Variants in VAV3 observed in about 807,000 individuals in gnomAD.
VAV3 encodes guanine nucleotide exchange factor VAV3.
In VAV3, 94 loss-of-function variants were observed where a neutral mutation model predicts 131.2. That is an observed-to-expected ratio of 0.72 (90% CI 0.61 to 0.85). VAV3 has a LOEUF of 0.85. Ranked by LOEUF, VAV3 falls within the 40% of genes least tolerant of loss-of-function variation. The pLI, the probability that VAV3 is intolerant of heterozygous loss-of-function variation, is 0.00. For missense variants in VAV3, 939 were observed against 1,002.7 expected, an observed-to-expected ratio of 0.94 and a Z score of 0.86; for synonymous variants, 349 against 342.0, an observed-to-expected ratio of 1.02 and a Z score of -0.22.
intron 18 of VAV3, among the ~76,000 whole-genome samples, chr1:107,684,739 T>C (rs2504458): frequency 0.33 from 50,692 of 152,062 alleles, 8,479 homozygotes; most frequent in South Asian, 0.38. Flanking sequence ...ACAAGAGTCA[T>C]TGTGAATGAA....
chr1:107,884,663 T>C lies in VAV3; in HGVS notation c.205-9646A>G, dbSNP rs376308394. Among the ~76,000 whole-genome samples, 13 of 151,994 alleles carry C rather than the reference T, an allele frequency of 8.6e-5. No individual in the cohort carries two copies. The East Asian group carries it at 2.3e-3, about 27-fold the overall frequency. ...TGAGGTCTCACTATGTTTCCCAGTCTGGTCTTGAACTCCTAGGTTCAAATG... is the reference window on the plus strand; with the variant it reads ...TGAGGTCTCACTATGTTTCCCAGTCCGGTCTTGAACTCCTAGGTTCAAATG... On this transcript the variant is annotated intron_variant, in intron 1 of 26. Transcript: ENST00000370056.
At chr1:107,663,259 T>C (rs1657161184) in intron 19 of VAV3, among the ~76,000 whole-genome samples, 1 of 152,186 alleles carries the variant, frequency 6.6e-6, no homozygotes, top group Non-Finnish European at 1.5e-5. Flanking sequence ...TACAGACTTC[T>C]ACACTGTTTT....
intron 2 of VAV3, among the ~76,000 whole-genome samples, chr1:107,810,978 C>G (rs1046663916): frequency 1.3e-5 from 2 of 151,976 alleles, no homozygotes; most frequent in African/African-American, 4.8e-5. Flanking sequence ...AAATAACAGA[C>G]TAGAAGATAC....
chr1:107,736,748 A>C (rs1272048542), intron 15 of VAV3, among the ~76,000 whole-genome samples: 2 of 151,940 alleles, frequency 1.3e-5, no homozygotes, highest in Admixed American at 1.3e-4. Flanking sequence ...ATGGATAGGA[A>C]GAATCAATAT....
At chr1:107,603,615 T>C (rs1219517867) in intron 22 of VAV3, among the ~76,000 whole-genome samples, 1 of 152,208 alleles carries the variant, frequency 6.6e-6, no homozygotes, top group Non-Finnish European at 1.5e-5. Context: ...TTATTTTAAA[T>C]AGTTTTTTGT....
At chr1:107,619,836 CAG>C (rs1653435124) in intron 20 of VAV3, among the ~76,000 whole-genome samples, 1 of 152,102 alleles carries the variant, frequency 6.6e-6, no homozygotes, top group African/African-American at 2.4e-5. Context: ...CATTTTGTGA[CAG>C]TGTATGTTGG....
chr1:107,609,544 A>G (rs1652553781), intron 22 of VAV3: 1 of 131,378 alleles, frequency 7.6e-6, no homozygotes, highest in South Asian at 2.3e-4. Context: ...CTAAAACTAT[A>G]AAAAATAAAA....
rs542407313 is a variant in VAV3, at chr1:107,662,774, T to C, written c.1778-20019A>G. On this transcript the variant is annotated intron_variant, in intron 19 of 26. Coordinates refer to ENST00000370056, the MANE Select transcript of VAV3 (RefSeq NM_006113.5). ...TGGGCCTAATGGGTAGAAAAAGACA[T>C]ATTAGTCATATGAATAAGGGGCAAA... Among the ~76,000 whole-genome samples the C allele has an allele frequency of 2.0e-5, 3 of 152,314 alleles. No individual in the cohort carries two copies. The East Asian group carries it at 5.8e-4, about 29-fold the overall frequency.
intron 2 of VAV3, among the ~76,000 whole-genome samples, chr1:107,802,675 C>A (rs377492893): frequency 1.4e-4 from 22 of 152,186 alleles, no homozygotes; most frequent in African/African-American, 3.4e-4. Flanking sequence ...ACTATCATAT[C>A]CTAGGATGCA....
chr1:107,657,103 C>T (rs1017768840), intron 19 of VAV3, among the ~76,000 whole-genome samples: 2 of 151,866 alleles, frequency 1.3e-5, no homozygotes, highest in African/African-American at 4.8e-5. Flanking sequence ...TACGGGCATG[C>T]ACCACTACAC....
At chr1:107,755,569 A>G (rs1035167510) in intron 11 of VAV3, 56 bp from the exon 12 acceptor site, 1 of 1,267,444 alleles carries the variant, frequency 7.9e-7, no homozygotes, top group Non-Finnish European at 1.1e-6. Context: ...AGAGATGCAA[A>G]CTGCTTTGAA....
At chr1:107,692,999 A>T (rs972819652) in intron 17 of VAV3, among the ~76,000 whole-genome samples, 3 of 152,268 alleles carry the variant, frequency 2.0e-5, no homozygotes, top group African/African-American at 2.4e-5. Context: ...GTGGGGGGAA[A>T]AGCAAATGTC....
intron 2 of VAV3, among the ~76,000 whole-genome samples, chr1:107,861,040 T>A (rs1669712518): frequency 6.6e-6 from 1 of 151,728 alleles, no homozygotes; most frequent in African/African-American, 2.4e-5. Flanking sequence ...AATCTCTAGA[T>A]AATTCATTAT....
chr1:107,879,128 A>G (rs1406515766), intron 1 of VAV3, among the ~76,000 whole-genome samples: 1 of 152,018 alleles, frequency 6.6e-6, no homozygotes, highest in Non-Finnish European at 1.5e-5. Context: ...TTACAATAAT[A>G]TTTGTTTCAT....
At chr1:107,744,195 T>C (rs2102031735) in intron 15 of VAV3, among the ~76,000 whole-genome samples, 1 of 152,330 alleles carries the variant, frequency 6.6e-6, no homozygotes, top group South Asian at 2.1e-4. Flanking sequence ...CTCATTCTCT[T>C]CGTCCCACTA....
intron 2 of VAV3, among the ~76,000 whole-genome samples, chr1:107,799,060 T>C (rs1022817342): frequency 3.3e-5 from 5 of 152,186 alleles, no homozygotes; most frequent in African/African-American, 7.2e-5. Context: ...AGTGGTAATA[T>C]AGAAATGAGA....
chr1:107,850,490 A>G (rs1669167424), intron 2 of VAV3, among the ~76,000 whole-genome samples: 1 of 150,010 alleles, frequency 6.7e-6, no homozygotes, highest in Non-Finnish European at 1.5e-5. Context: ...CAAACATGGC[A>G]TGTTCTCACT....
chr1:107,753,706 C>T (rs61799821), intron 12 of VAV3, among the ~76,000 whole-genome samples: 8,554 of 151,282 alleles, frequency 0.057, 342 homozygotes, highest in Non-Finnish European at 0.087. Flanking sequence ...ACTACAGGCA[C>T]GTGCCACCAT....
chr1:107,723,190 T>G (rs951025816), intron 15 of VAV3, among the ~76,000 whole-genome samples: 1 of 152,162 alleles, frequency 6.6e-6, no homozygotes, highest in Non-Finnish European at 1.5e-5. Context: ...AGAACAAATT[T>G]ATCCATGAAG....
Sources: allele counts gnomAD v4.1 joint callset (sites outside exome capture counted in the v4.1 genomes callset), GRCh38; gene constraint gnomAD v4.1.1; transcripts MANE v1.5; gene names NCBI Gene and HGNC (gene_info 2026-07-23, HGNC 2026-07-21).